Variants in GSG1L observed in about 807,000 individuals in gnomAD.
GSG1L encodes GSG1 like, also known as germ cell-specific gene 1-like protein.
GSG1L carries 24 observed loss-of-function variants against 42.1 expected under a neutral mutation model. The observed-to-expected ratio is 0.57, with a 90% confidence interval of 0.41 to 0.80. The LOEUF is 0.80. Among genes scored for constraint, GSG1L ranks in the 30% least tolerant of loss-of-function variants. The pLI, the probability that GSG1L is intolerant of heterozygous loss-of-function variation, is 0.00. For synonymous variants in GSG1L, 215 were observed against 203.5 expected (o/e 1.06, Z -0.48); for missense variants, 445 against 472.2 (o/e 0.94, Z 0.53).
intron 3 of GSG1L, among the ~76,000 whole-genome samples, chr16:27,845,934 G>C (rs144364026): frequency 0.011 from 1,595 of 149,830 alleles, 29 homozygotes; most frequent in African/African-American, 0.033. Context: ...AAAGAGTCTC[G>C]CTCTGTCACC....
At chr16:28,058,449 T>C (rs2086303120) in intron 1 of GSG1L, among the ~76,000 whole-genome samples, 1 of 151,960 alleles carries the variant, frequency 6.6e-6, no homozygotes. Flanking sequence ...AGCAACATAG[T>C]GAAACCTCGT....
At chr16:28,046,269 G>A (rs1007840019) in intron 1 of GSG1L, among the ~76,000 whole-genome samples, 3 of 150,434 alleles carry the variant, frequency 2.0e-5, no homozygotes, top group Non-Finnish European at 4.4e-5. Context: ...ATACACATCC[G>A]CAGGCCGTTA....
chr16:27,869,704 T>TC (rs1269866345), intron 3 of GSG1L, among the ~76,000 whole-genome samples: 4 of 131,474 alleles, frequency 3.0e-5, no homozygotes, highest in Admixed American at 8.2e-5. Flanking sequence ...TCTCCCTCCA[T>TC]TTCTCTCTCC....
intron 2 of GSG1L, among the ~76,000 whole-genome samples, chr16:27,900,965 T>C (rs1450505967): frequency 6.6e-6 from 1 of 152,014 alleles, no homozygotes; most frequent in Non-Finnish European, 1.5e-5. Context: ...CTGTCTCTAC[T>C]AAAAATACAA....
chr16:28,010,803 G>A (rs2085708032), intron 1 of GSG1L, among the ~76,000 whole-genome samples: 2 of 152,216 alleles, frequency 1.3e-5, no homozygotes, highest in African/African-American at 2.4e-5. Context: ...GGAGTGGGGA[G>A]CGTGTCATCT....
At chr16:27,812,683 A>T (rs1037293656) in intron 5 of GSG1L, among the ~76,000 whole-genome samples, 1 of 152,064 alleles carries the variant, frequency 6.6e-6, no homozygotes, top group African/African-American at 2.4e-5. Context: ...GGACCAGCGG[A>T]GGCTTCTCGG....
At chr16:27,961,252 G>T (rs941847201) in intron 2 of GSG1L, among the ~76,000 whole-genome samples, 3 of 152,174 alleles carry the variant, frequency 2.0e-5, no homozygotes, top group Admixed American at 6.5e-5. Context: ...TCATGCACAT[G>T]CACACTCACC....
chr16:27,890,690 G>A (rs57728459), intron 2 of GSG1L, among the ~76,000 whole-genome samples: 12,080 of 152,240 alleles, frequency 0.079, 923 homozygotes, highest in African/African-American at 0.17. Flanking sequence ...TGCTAAAGCA[G>A]GAGGACAATG....
chr16:27,991,395 A>T (rs1366138230), intron 1 of GSG1L, among the ~76,000 whole-genome samples: 3 of 150,078 alleles, frequency 2.0e-5, no homozygotes, highest in African/African-American at 7.3e-5. Flanking sequence ...TGTGTGCATT[A>T]TATTTCTTTT....
At position 27,850,763 on chromosome 16, in the gene GSG1L, T is replaced by C. The variant is rs997845674; in HGVS notation, c.551-5702A>G. 1.8e-5 allele frequency: 6 copies of C among 341,706 alleles called. 1 individual carries two copies. Among genetic ancestry groups the C allele is most frequent in the South Asian group, 1.4e-4 (6 of 43,218 alleles). 21.2% of individuals were successfully genotyped at this position (341,706 alleles called of 1,614,324 possible). A position where few individuals can be genotyped will look rare whatever the true frequency, so the allele number is the denominator to read the frequency against. On this transcript the variant is annotated intron_variant, in intron 3 of 6. Coordinates refer to ENST00000447459, the MANE Select transcript of GSG1L (RefSeq NM_001109763.2). The stretch of plus-strand genomic sequence containing the variant: ...GGAAGGCATTTTATTTATTTAAAAA[T>C]ATATACATGTAATACATCTATCTAT...
At chr16:28,005,231 A>G (rs927144124) in intron 1 of GSG1L, among the ~76,000 whole-genome samples, 3 of 152,068 alleles carry the variant, frequency 2.0e-5, no homozygotes, top group Non-Finnish European at 2.9e-5. Flanking sequence ...CTCCTGCCTC[A>G]GCCTCCCAAG....
intron 1 of GSG1L, among the ~76,000 whole-genome samples, chr16:27,969,081 C>G (rs1185652409): frequency 6.6e-6 from 1 of 152,024 alleles, no homozygotes; most frequent in African/African-American, 2.4e-5. Flanking sequence ...TGCACTTCAG[C>G]CTGGGCGACA....
chr16:27,814,805 G>C (rs1446783155), intron 5 of GSG1L, among the ~76,000 whole-genome samples: 2 of 152,176 alleles, frequency 1.3e-5, no homozygotes, highest in African/African-American at 4.8e-5. Flanking sequence ...AGGGTCATCA[G>C]CAATGCTGGG....
At chr16:27,956,801 A>G (rs927947195) in intron 2 of GSG1L, among the ~76,000 whole-genome samples, 5 of 139,886 alleles carry the variant, frequency 3.6e-5, no homozygotes, top group East Asian at 2.0e-4. Context: ...ACATGTGAGG[A>G]AAAAAAAAAA....
chr16:28,047,043 A>G (rs2086169667), intron 1 of GSG1L, among the ~76,000 whole-genome samples: 1 of 152,250 alleles, frequency 6.6e-6, no homozygotes, highest in Non-Finnish European at 1.5e-5. Flanking sequence ...CATGGGACCC[A>G]GCACGTGGAC....
At chr16:27,850,716 G>C (rs763036302) in intron 3 of GSG1L, 1 of 382,296 alleles carries the variant, frequency 2.6e-6, no homozygotes, top group Admixed American at 3.2e-5. Context: ...GGGGGTGATA[G>C]CTGGAGAGGG....
At chr16:28,060,193 G>A (rs1186974148) in intron 1 of GSG1L, among the ~76,000 whole-genome samples, 1 of 152,086 alleles carries the variant, frequency 6.6e-6, no homozygotes, top group Non-Finnish European at 1.5e-5. Context: ...ATTTTGTTCA[G>A]GGGGCTATTG....
chr16:28,026,089 C>T (rs574602457), intron 1 of GSG1L, among the ~76,000 whole-genome samples: 17 of 152,290 alleles, frequency 1.1e-4, no homozygotes, highest in Non-Finnish European at 1.9e-4. Flanking sequence ...GGAAGCCAAA[C>T]GCCCAGCTAG....
At chr16:27,888,233 C>G (rs1238098062) in intron 2 of GSG1L, 1 of 464,594 alleles carries the variant, frequency 2.2e-6, no homozygotes, top group Non-Finnish European at 2.8e-6. Context: ...GACGCTTCCC[C>G]CGCCCCTCTC....
Sources: gnomAD v4.1 joint callset for allele counts (sites outside exome capture counted in the v4.1 genomes callset) on GRCh38, gnomAD v4.1.1 for gene constraint, MANE v1.5 for transcripts, NCBI Gene and HGNC (gene_info 2026-07-23, HGNC 2026-07-21) for gene names.